The following SKAP2 variants were observed in gnomAD, a reference collection of about 807,000 sequenced individuals.
SKAP2 encodes the protein src kinase associated phosphoprotein 2.
SKAP2 carries 28 observed loss-of-function variants against 54.9 expected under a neutral mutation model. The observed-to-expected ratio is 0.51, with a 90% CI of 0.38 to 0.70. The LOEUF (loss-of-function observed/expected upper bound fraction) is 0.70. Among genes scored for constraint, SKAP2 ranks in the 30% least tolerant of loss-of-function variants. The pLI, the probability that SKAP2 is intolerant of heterozygous loss-of-function variation, is 0.00. For synonymous variants in SKAP2, 137 were observed against 134.3 expected, an observed-to-expected ratio of 1.02 and a Z score of -0.14; for missense variants, 356 against 424.1, an observed-to-expected ratio of 0.84 and a Z score of 1.41.
At chr7:26,823,657 G>T (rs1011608695) in intron 4 of SKAP2, among the ~76,000 whole-genome samples, 5 of 152,130 alleles carry the variant, frequency 3.3e-5, no homozygotes, top group African/African-American at 7.2e-5. Flanking sequence ...TTTAAGGAAA[G>T]AAGCCATCTT....
At position 26,707,405 on chromosome 7, in the gene SKAP2, T is replaced by C. The variant is rs886128069; in HGVS notation, c.797-17043A>G. On this transcript the variant is annotated intron_variant, in intron 9 of 12. Coordinates refer to ENST00000345317, the MANE Select transcript of SKAP2 (RefSeq NM_003930.5). ...TTAATATTATAATTATAAAGCCCCT[T>C]AGTACATAGGAGACAGGATATTAGA... Among the ~76,000 whole-genome samples, 9 of 152,022 alleles carry C rather than the reference T, an allele frequency of 5.9e-5. 1 individual carries two copies. The highest frequency in any genetic ancestry group is 3.9e-4 in the Admixed American group (6 of 15,240).
At chr7:26,679,124 C>T (rs1786424390) in intron 11 of SKAP2, among the ~76,000 whole-genome samples, 1 of 152,194 alleles carries the variant, frequency 6.6e-6, no homozygotes, top group Admixed American at 6.5e-5. Flanking sequence ...GCAGCCCCCT[C>T]CACTGCCACC....
rs1170912363 is a variant in SKAP2 at position 26,667,651 on chromosome 7, G to T, written c.*2015C>A. ...AGTTGGCAAAGGACTCCCTCTCCTG[G>T]ATTAACTGTAAAAGGAGGCAGAAAT... On this transcript the variant is annotated 3_prime_UTR_variant, in exon 13 of 13. Coordinates refer to ENST00000345317, the MANE Select transcript of SKAP2 (RefSeq NM_003930.5). 6 of 152,606 alleles carry T rather than the reference G, an allele frequency of 3.9e-5. No homozygotes were observed. Among genetic ancestry groups the T allele is most frequent in the Non-Finnish European group, 7.3e-5 (5 of 68,040 alleles). 9.5% of individuals were successfully genotyped at this position (152,606 alleles called of 1,614,324 possible).
At chr7:26,829,015 C>T (rs567570697) in intron 4 of SKAP2, among the ~76,000 whole-genome samples, 12 of 151,336 alleles carry the variant, frequency 7.9e-5, no homozygotes, top group Non-Finnish European at 1.0e-4. Context: ...GGCGACAGAG[C>T]GAGACTCTGT....
intron 3 of SKAP2, among the ~76,000 whole-genome samples, chr7:26,846,472 C>T (rs1784923791): frequency 1.3e-5 from 2 of 151,984 alleles, no homozygotes; most frequent in South Asian, 4.1e-4. Context: ...TACACATACA[C>T]ACAAATGCAA....
intron 9 of SKAP2, among the ~76,000 whole-genome samples, chr7:26,707,841 C>T (rs1456530625): frequency 6.6e-6 from 1 of 152,134 alleles, no homozygotes; most frequent in Non-Finnish European, 1.5e-5. Context: ...ATGTGAGATC[C>T]AAGTTTATAC....
At chr7:26,721,011 A>C (rs961610274) in intron 9 of SKAP2, among the ~76,000 whole-genome samples, 1 of 152,214 alleles carries the variant, frequency 6.6e-6, no homozygotes, top group Non-Finnish European at 1.5e-5. Flanking sequence ...TTCACCATTC[A>C]GTACCTAGTT....
chr7:26,678,133 A>G (rs62447701), intron 11 of SKAP2, among the ~76,000 whole-genome samples: 3,594 of 152,322 alleles, frequency 0.024, 73 homozygotes, highest in Non-Finnish European at 0.039. Flanking sequence ...GTAAAATTAT[A>G]ACATCATCTA....
At chr7:26,842,923 G>A (rs1218985293) in intron 4 of SKAP2, among the ~76,000 whole-genome samples, 1 of 151,784 alleles carries the variant, frequency 6.6e-6, no homozygotes, top group Non-Finnish European at 1.5e-5. Context: ...TTAAATGTTT[G>A]CCGAAGCATA....
chr7:26,775,102 A>T (rs1402433796), intron 4 of SKAP2, among the ~76,000 whole-genome samples: 1 of 152,182 alleles, frequency 6.6e-6, no homozygotes, highest in African/African-American at 2.4e-5. Flanking sequence ...AACACTATCA[A>T]GAGGCAACTC....
At chr7:26,682,216 G>C (rs367814709) in intron 11 of SKAP2, among the ~76,000 whole-genome samples, 115 of 152,260 alleles carry the variant, frequency 7.6e-4, no homozygotes, top group Admixed American at 2.1e-3. Flanking sequence ...GTCTGAGTTT[G>C]CCAAAGTTTC....
chr7:26,742,113 T>A (rs1421534614), intron 4 of SKAP2, among the ~76,000 whole-genome samples: 3 of 152,192 alleles, frequency 2.0e-5, no homozygotes, highest in Non-Finnish European at 4.4e-5. Context: ...TTATTTATTA[T>A]AGGATTTTGT....
At chr7:26,818,464 A>AC (rs1178526171) in intron 4 of SKAP2, among the ~76,000 whole-genome samples, 1 of 152,196 alleles carries the variant, frequency 6.6e-6, no homozygotes, top group African/African-American at 2.4e-5. Context: ...CTTAAAACCT[A>AC]AAACCATAAA....
At chr7:26,818,258 G>A (rs1287468187) in intron 4 of SKAP2, among the ~76,000 whole-genome samples, 1 of 152,134 alleles carries the variant, frequency 6.6e-6, no homozygotes, top group African/African-American at 2.4e-5. Flanking sequence ...CAACGGAACA[G>A]AAAAGAGGCC....
At chr7:26,786,910 G>A (rs957546685) in intron 4 of SKAP2, among the ~76,000 whole-genome samples, 1 of 151,854 alleles carries the variant, frequency 6.6e-6, no homozygotes, top group African/African-American at 2.4e-5. Flanking sequence ...TATCTAATCT[G>A]TAATTAACTC....
At chr7:26,809,156 G>A (rs1778418370) in intron 4 of SKAP2, among the ~76,000 whole-genome samples, 1 of 152,208 alleles carries the variant, frequency 6.6e-6, no homozygotes, top group Non-Finnish European at 1.5e-5. Flanking sequence ...GCTCACGCCT[G>A]TAATCCCAGC....
intron 4 of SKAP2, among the ~76,000 whole-genome samples, chr7:26,803,651 G>A (rs772982761): frequency 3.4e-4 from 51 of 152,212 alleles, no homozygotes; most frequent in Non-Finnish European, 7.2e-4. Flanking sequence ...TCAGTATACT[G>A]AAGAGATATC....
chr7:26,739,490 G>A (rs961868873), intron 5 of SKAP2, among the ~76,000 whole-genome samples: 3 of 152,096 alleles, frequency 2.0e-5, no homozygotes, highest in Non-Finnish European at 4.4e-5. Flanking sequence ...ATAGACAATG[G>A]CAGACAAAAC....
At chr7:26,733,924 T>G (rs1488401830) in intron 6 of SKAP2, among the ~76,000 whole-genome samples, 1 of 152,152 alleles carries the variant, frequency 6.6e-6, no homozygotes, top group Admixed American at 6.5e-5. Flanking sequence ...TACTAAGAAC[T>G]GACAATCCCC....
Sources: allele counts gnomAD v4.1 joint callset (sites outside exome capture counted in the v4.1 genomes callset), GRCh38; gene constraint gnomAD v4.1.1; transcripts MANE v1.5; gene names NCBI Gene and HGNC (gene_info 2026-07-23, HGNC 2026-07-21).